The following CAB39L variants were observed in gnomAD, a reference collection of about 807,000 sequenced individuals.
CAB39L encodes the protein calcium-binding protein 39-like.
Under a neutral mutation model 39.1 loss-of-function variants are expected in CAB39L, and 23 were observed. The ratio of observed to expected loss-of-function variants is 0.59; its 90% confidence interval spans 0.42 to 0.83. The LOEUF (loss-of-function observed/expected upper bound fraction) is 0.83, where lower values mean the gene tolerates loss of function less well. Among genes scored for constraint, CAB39L ranks in the 40% least tolerant of loss-of-function variants. The pLI, the probability that CAB39L is intolerant of heterozygous loss-of-function variation, is 0.00. For synonymous variants in CAB39L, 126 were observed against 137.2 expected, an observed-to-expected ratio of 0.92 and a Z score of 0.57; for missense variants, 366 against 391.9, an observed-to-expected ratio of 0.93 and a Z score of 0.56.
chr13:49,337,732 GCACACACACACA>G (rs57089737), intron 9 of CAB39L, among the ~76,000 whole-genome samples: 59 of 144,296 alleles, frequency 4.1e-4, no homozygotes, highest in Middle Eastern at 3.4e-3. Context: ...CTGCTCTGGC[GCACACACACACA>G]CACACACACA....
chr13:49,413,600 T>C (rs1957033694), intron 3 of CAB39L: 1 of 151,904 alleles, frequency 6.6e-6, no homozygotes, highest in Non-Finnish European at 1.5e-5. Flanking sequence ...GTTTTTGAGG[T>C]GGAGTGGTGG....
chr13:49,360,468 C>A (rs1325973165), intron 5 of CAB39L, among the ~76,000 whole-genome samples: 1 of 152,176 alleles, frequency 6.6e-6, no homozygotes, highest in Non-Finnish European at 1.5e-5. Flanking sequence ...ACCAGATATG[C>A]AATCATGGAT....
chr13:49,441,392 T>G (rs1303858571), intron 1 of CAB39L, among the ~76,000 whole-genome samples: 1 of 151,804 alleles, frequency 6.6e-6, no homozygotes, highest in Non-Finnish European at 1.5e-5. Context: ...CTGGGCAACA[T>G]AGCAAGATGC....
chr13:49,358,663 C>A (rs557303191), intron 6 of CAB39L, among the ~76,000 whole-genome samples: 3 of 152,174 alleles, frequency 2.0e-5, no homozygotes, highest in Admixed American at 6.5e-5. Flanking sequence ...GAGGTCGAGA[C>A]CAGCCTGGCC....
chr13:49,344,333 G>A, intron 7 of CAB39L, 95 bp from the exon 8 acceptor site: 1 of 704,972 alleles, frequency 1.4e-6, no homozygotes, highest in Non-Finnish European at 2.4e-6. Flanking sequence ...AAAAGTTGCA[G>A]AAGAACATTT....
chr13:49,350,068 T>C (rs951736354), intron 7 of CAB39L, among the ~76,000 whole-genome samples: 3 of 152,270 alleles, frequency 2.0e-5, no homozygotes, highest in East Asian at 1.9e-4. Context: ...TATTATTTAA[T>C]AAGTATAGAG....
At chr13:49,426,445 G>C (rs1046272164) in intron 3 of CAB39L, among the ~76,000 whole-genome samples, 1 of 147,820 alleles carries the variant, frequency 6.8e-6, no homozygotes, top group Non-Finnish European at 1.5e-5. Flanking sequence ...TTTTTTTTTT[G>C]AGACGGAGTC....
At chr13:49,335,627 A>C (rs1345587216) in intron 9 of CAB39L, among the ~76,000 whole-genome samples, 1 of 152,186 alleles carries the variant, frequency 6.6e-6, no homozygotes, top group African/African-American at 2.4e-5. Context: ...AGTGGAAATA[A>C]GTTTTTTAGA....
chr13:49,421,814 G>A (rs1957175869), intron 3 of CAB39L, among the ~76,000 whole-genome samples: 1 of 152,108 alleles, frequency 6.6e-6, no homozygotes, highest in South Asian at 2.1e-4. Context: ...CCCTCTGGTG[G>A]TAATGAGGCA....
intron 3 of CAB39L, among the ~76,000 whole-genome samples, chr13:49,424,000 A>G (rs1190965845): frequency 6.6e-6 from 1 of 152,216 alleles, no homozygotes; most frequent in African/African-American, 2.4e-5. Flanking sequence ...ATCTCTAAAA[A>G]TAGAATAACA....
intron 5 of CAB39L, among the ~76,000 whole-genome samples, chr13:49,376,601 G>A (rs1283965080): frequency 5.9e-5 from 9 of 152,118 alleles, no homozygotes; most frequent in Admixed American, 5.9e-4. Flanking sequence ...TTGAACTTTA[G>A]GTTCTTCATC....
intron 3 of CAB39L, chr13:49,413,640 A>C (rs1348766794): frequency 6.6e-6 from 1 of 152,222 alleles, no homozygotes; most frequent in African/African-American, 2.4e-5. Flanking sequence ...TTGTTGTCAA[A>C]GGAAGAAGCC....
intron 4 of CAB39L, among the ~76,000 whole-genome samples, chr13:49,377,791 T>G (rs1207919956): frequency 1.1e-5 from 1 of 94,722 alleles, no homozygotes; most frequent in African/African-American, 6.0e-5. Flanking sequence ...GTGCCGAGAT[T>G]GCAGCCTCTG....
Position 49,359,659 on chromosome 13 carries a change from A to C in CAB39L, c.395+55T>G, listed in dbSNP as rs1366518065. On this transcript the variant is annotated intron_variant, in intron 6 of 10. Coordinates refer to ENST00000409308, the MANE Select transcript of CAB39L (RefSeq NM_001079670.3). ...ATCTCAAATGAGACTAATGCTATGC[A>C]CTTTTAACAACTATTAAAAACTTAG... is the stretch of plus-strand genomic sequence containing the variant. The C allele has an allele frequency of 3.4e-6, 3 of 877,510 alleles. No homozygotes were observed. In the African/African-American group the frequency reaches 5.1e-5, roughly 15 times the overall value. The allele number at this position is 877,510 out of a possible 1,614,324, so 54.4% of individuals were successfully genotyped here.
intron 5 of CAB39L, among the ~76,000 whole-genome samples, chr13:49,360,892 G>A (rs1442837378): frequency 1.3e-5 from 2 of 152,144 alleles, no homozygotes; most frequent in East Asian, 3.9e-4. Context: ...GGCCTCCCCA[G>A]CAATGTGGAA....
chr13:49,431,071 T>G (rs1396114189), intron 3 of CAB39L, among the ~76,000 whole-genome samples: 1 of 152,246 alleles, frequency 6.6e-6, no homozygotes, highest in Non-Finnish European at 1.5e-5. Flanking sequence ...TCAAAAAGTT[T>G]GGACATATGT....
intron 3 of CAB39L, among the ~76,000 whole-genome samples, chr13:49,391,520 A>G (rs1956488478): frequency 6.6e-6 from 1 of 152,190 alleles, no homozygotes; most frequent in Admixed American, 6.5e-5. Context: ...AAATCCAACC[A>G]TCTGGAAAAA....
intron 3 of CAB39L, among the ~76,000 whole-genome samples, chr13:49,384,614 T>C (rs1191367440): frequency 3.3e-5 from 5 of 152,228 alleles, no homozygotes; most frequent in African/African-American, 1.2e-4. Context: ...TTTTTTTAAC[T>C]TTTATTAGAA....
At chr13:49,325,738 G>A (rs570299276) in intron 10 of CAB39L, among the ~76,000 whole-genome samples, 102 of 152,198 alleles carry the variant, frequency 6.7e-4, no homozygotes, top group African/African-American at 2.3e-3. Flanking sequence ...GCGGTGAGCC[G>A]AGATCATGCC....
Sources: gnomAD v4.1 joint callset for allele counts (sites outside exome capture counted in the v4.1 genomes callset) on GRCh38, gnomAD v4.1.1 for gene constraint, MANE v1.5 for transcripts, NCBI Gene and HGNC (gene_info 2026-07-23, HGNC 2026-07-21) for gene names.